Variants in MEF2C observed in about 807,000 individuals in gnomAD.
MEF2C encodes myocyte-specific enhancer factor 2C.
A neutral mutation model predicts 50.5 loss-of-function variants in MEF2C; 6 were observed. The observed-to-expected ratio is 0.12, with a 90% CI of 0.07 to 0.23. The LOEUF is 0.23. Among genes scored for constraint, MEF2C ranks in the 10% least tolerant of loss-of-function variants. The probability of loss-of-function intolerance (pLI) is 1.00; values close to 1 mark genes in which losing one functional copy is unlikely to be tolerated. For synonymous variants in MEF2C, 183 were observed against 228.0 expected, an observed-to-expected ratio of 0.80 and a Z score of 1.78; for missense variants, 276 against 605.0, an observed-to-expected ratio of 0.46 and a Z score of 5.70.
At chr5:88,780,966 A>G (rs1197563009) in intron 3 of MEF2C, 1 of 984,600 alleles carries the variant, frequency 1.0e-6, no homozygotes, top group Non-Finnish European at 1.2e-6. Flanking sequence ...GCTATCTACC[A>G]GAGTTCACTA....
chr5:88,733,677 T>C (rs1762625856), intron 6 of MEF2C: 1 of 985,344 alleles, frequency 1.0e-6, no homozygotes, highest in Non-Finnish European at 1.2e-6. Context: ...TTCATTTACC[T>C]GTCTCATTTT....
intron 1 of MEF2C, among the ~76,000 whole-genome samples, chr5:88,895,829 C>G (rs544863483): frequency 6.6e-6 from 1 of 152,298 alleles, no homozygotes; most frequent in African/African-American, 2.4e-5. Context: ...GGAATTCTTT[C>G]CAACTATGTT....
At chr5:88,763,589 T>C (rs1295415847) in intron 3 of MEF2C, among the ~76,000 whole-genome samples, 1 of 152,148 alleles carries the variant, frequency 6.6e-6, no homozygotes, top group South Asian at 2.1e-4. Context: ...ATATGTCAGA[T>C]CAAGAAAATA....
At chr5:88,898,267 G>A (rs1582049175) in intron 1 of MEF2C, among the ~76,000 whole-genome samples, 1 of 152,224 alleles carries the variant, frequency 6.6e-6, no homozygotes, top group Non-Finnish European at 1.5e-5. Context: ...AACCAGTTAA[G>A]CAATATGGAA....
intron 6 of MEF2C, chr5:88,736,711 C>T (rs1764278903): frequency 1.0e-6 from 1 of 985,284 alleles, no homozygotes; most frequent in Non-Finnish European, 1.2e-6. Flanking sequence ...CCATCATGTT[C>T]CTTTTTCATA....
intron 1 of MEF2C, among the ~76,000 whole-genome samples, chr5:88,831,532 C>T (rs1025272859): frequency 3.3e-5 from 5 of 151,922 alleles, no homozygotes; most frequent in African/African-American, 9.6e-5. Context: ...ATACCATTGT[C>T]CCCCTGCCAA....
intron 5 of MEF2C, chr5:88,750,137 A>C (rs772785555): frequency 3.7e-5 from 32 of 855,084 alleles, no homozygotes; most frequent in Non-Finnish European, 4.5e-5. Flanking sequence ...GATACTCTGT[A>C]ATTATTAGTT....
chr5:88,794,504 T>G (rs1795186124), intron 3 of MEF2C, among the ~76,000 whole-genome samples: 1 of 152,182 alleles, frequency 6.6e-6, no homozygotes, highest in South Asian at 2.1e-4. Context: ...TTTTTTCCTG[T>G]AAATCTGTTT....
At chr5:88,820,228 A>T (rs1807610056) in intron 2 of MEF2C, among the ~76,000 whole-genome samples, 1 of 151,990 alleles carries the variant, frequency 6.6e-6, no homozygotes, top group Non-Finnish European at 1.5e-5. Context: ...CTAAGAAAGA[A>T]ATAGTTTTTG....
chr5:88,857,135 G>A (rs1401447041), intron 1 of MEF2C, among the ~76,000 whole-genome samples: 1 of 152,246 alleles, frequency 6.6e-6, no homozygotes, highest in African/African-American at 2.4e-5. Flanking sequence ...GCATCAGCAT[G>A]ACCTTGATGT....
At chr5:88,842,580 C>T (rs1032502509) in intron 1 of MEF2C, among the ~76,000 whole-genome samples, 2 of 122,528 alleles carry the variant, frequency 1.6e-5, no homozygotes, top group South Asian at 2.5e-4. Context: ...AAAAAAATTT[C>T]CTGAGAATTC....
At chr5:88,726,083 G>GA (rs1169537435) in intron 10 of MEF2C, among the ~76,000 whole-genome samples, 4 of 152,102 alleles carry the variant, frequency 2.6e-5, no homozygotes, top group African/African-American at 7.2e-5. Flanking sequence ...GTATAGCTTT[G>GA]AAGACTTAAA....
chr5:88,762,920 TAAAAC>T (rs916468728), intron 3 of MEF2C, among the ~76,000 whole-genome samples: 1 of 152,120 alleles, frequency 6.6e-6, no homozygotes, highest in Non-Finnish European at 1.5e-5. Context: ...GGAAAATAAA[TAAAAC>T]AACATGAGTT....
At chr5:88,903,053 G>C (rs1835820600) in intron 1 of MEF2C, among the ~76,000 whole-genome samples, 1 of 151,930 alleles carries the variant, frequency 6.6e-6, no homozygotes, top group Non-Finnish European at 1.5e-5. Flanking sequence ...CCCTGAAATA[G>C]AGTCACTTTT....
intron 1 of MEF2C, among the ~76,000 whole-genome samples, chr5:88,898,968 A>G (rs1835375351): frequency 6.6e-6 from 1 of 152,154 alleles, no homozygotes; most frequent in South Asian, 2.1e-4. Flanking sequence ...ATAAATAAAT[A>G]TATTATCATG....
At chr5:88,733,765 T>C (rs1762658111) in intron 6 of MEF2C, 1 of 985,220 alleles carries the variant, frequency 1.0e-6, no homozygotes, top group Non-Finnish European at 1.2e-6. Flanking sequence ...AATAAAATTA[T>C]CCCAGTTCCT....
chr5:88,869,298 C>CGTATATAT (rs1828687855), intron 1 of MEF2C, among the ~76,000 whole-genome samples: 14 of 101,096 alleles, frequency 1.4e-4, no homozygotes, highest in Admixed American at 8.1e-4. Context: ...TATATATACA[C>CGTATATAT]ATATATATAT....
chr5:88,736,011 A>G (rs1763924214), intron 6 of MEF2C: 2 of 985,334 alleles, frequency 2.0e-6, no homozygotes, highest in South Asian at 9.4e-5. Context: ...ACTATGGACC[A>G]TGGCTAATTC....
chr5:88,734,593 T>C, intron 6 of MEF2C: 1 of 853,864 alleles, frequency 1.2e-6, no homozygotes, highest in Non-Finnish European at 1.4e-6. Context: ...TTTTTTTTTT[T>C]TTTTTAGCAT....
Sources: gnomAD v4.1 joint callset for allele counts (sites outside exome capture counted in the v4.1 genomes callset) on GRCh38, gnomAD v4.1.1 for gene constraint, MANE v1.5 for transcripts, NCBI Gene and HGNC (gene_info 2026-07-23, HGNC 2026-07-21) for gene names.